BLTP1: variants seen among roughly 807,000 people sequenced by gnomAD.
BLTP1 encodes the protein fragile site-associated protein.
At chr4:122,203,968 T>C in the BLTP1 span, 3 of 312,850 alleles carry the variant, frequency 9.6e-6, no homozygotes, top group Non-Finnish European at 1.4e-5. Flanking sequence ...TTTTGTTTAT[T>C]TCACTAGCAA....
At chr4:122,230,412 T>C in the BLTP1 span, among the ~76,000 whole-genome samples, 1 of 152,174 alleles carries the variant, frequency 6.6e-6, no homozygotes, top group African/African-American at 2.4e-5. Flanking sequence ...GATGGTGTAG[T>C]TGTTGGAAAT....
At chr4:122,263,345 C>T in the BLTP1 span, 3 of 1,432,954 alleles carry the variant, frequency 2.1e-6, no homozygotes, top group Non-Finnish European at 2.7e-6. Flanking sequence ...TGCAAACATA[C>T]ATTTTAACTT....
the BLTP1 span, among the ~76,000 whole-genome samples, chr4:122,211,438 T>C: frequency 6.6e-6 from 1 of 152,222 alleles, no homozygotes; most frequent in South Asian, 2.1e-4. Flanking sequence ...GTAAGTAATG[T>C]AGCAATAGAA....
At chr4:122,344,540 A>C in the BLTP1 span, 2 of 1,608,248 alleles carry the variant, frequency 1.2e-6, no homozygotes, top group Non-Finnish European at 1.7e-6. Context: ...CAAAATGGAT[A>C]CTACGTTAAT....
the BLTP1 span, chr4:122,190,367 A>G: frequency 1.6e-5 from 14 of 902,312 alleles, no homozygotes; most frequent in Non-Finnish European, 1.7e-5. Context: ...AAGTGCTGGG[A>G]TTGTAGTCAT....
At chr4:122,191,466 A>G in the BLTP1 span, among the ~76,000 whole-genome samples, 9 of 152,290 alleles carry the variant, frequency 5.9e-5, no homozygotes, top group African/African-American at 2.2e-4. Context: ...TAAATGTTTA[A>G]TAATGGAATT....
the BLTP1 span, chr4:122,304,866 G>A: frequency 6.2e-7 from 1 of 1,613,940 alleles, no homozygotes; most frequent in Non-Finnish European, 8.5e-7. Context: ...TGATTGAACT[G>A]GAACTTTCTA....
At chr4:122,254,737 G>A in the BLTP1 span, 2 of 1,415,042 alleles carry the variant, frequency 1.4e-6, no homozygotes, top group Middle Eastern at 1.9e-4. Context: ...AGTACAGTAG[G>A]TATGGGAGAT....
At chr4:122,189,180 G>A in the BLTP1 span, 1 of 802,430 alleles carries the variant, frequency 1.2e-6, no homozygotes, top group Non-Finnish European at 1.5e-6. Context: ...ACTTAAGTGT[G>A]GAGATTACAT....
At chr4:122,293,412 G>A in the BLTP1 span, among the ~76,000 whole-genome samples, 1 of 152,158 alleles carries the variant, frequency 6.6e-6, no homozygotes, top group Admixed American at 6.5e-5. Context: ...CCACCCAGGA[G>A]CAGCAAAAAG....
the BLTP1 span, chr4:122,299,764 A>G: frequency 1.0e-6 from 1 of 979,650 alleles, no homozygotes; most frequent in Non-Finnish European, 1.2e-6. Flanking sequence ...ATGTATGTAT[A>G]TGGCTGTAGG....
the BLTP1 span, chr4:122,262,634 C>A: frequency 1.9e-6 from 2 of 1,077,426 alleles, no homozygotes; most frequent in Non-Finnish European, 2.6e-6. Flanking sequence ...TCCTAGTATA[C>A]ATGATCAGTT....
chr4:122,243,111 T>TGA, the BLTP1 span: 1 of 1,572,874 alleles, frequency 6.4e-7, no homozygotes, highest in East Asian at 2.2e-5. Flanking sequence ...TCCTTGATTA[T>TGA]GAGATGGGTA....
the BLTP1 span, chr4:122,305,591 G>T: frequency 1.0e-6 from 1 of 980,356 alleles, no homozygotes; most frequent in Non-Finnish European, 1.2e-6. Context: ...TCTCTTAGAG[G>T]TTCTAATTAT....
At chr4:122,315,365 G>A in the BLTP1 span, 9 of 1,482,436 alleles carry the variant, frequency 6.1e-6, no homozygotes, top group Non-Finnish European at 8.3e-6. Context: ...AGCAGTGAAA[G>A]ACATTAGTTA....
the BLTP1 span, chr4:122,175,004 A>T: frequency 2.2e-6 from 2 of 927,240 alleles, no homozygotes; most frequent in African/African-American, 3.6e-5. Flanking sequence ...TTAGCTCCTT[A>T]TTAGAGATAA....
At chr4:122,349,124 C>CTA in the BLTP1 span, 1 of 1,556,612 alleles carries the variant, frequency 6.4e-7, no homozygotes, top group Non-Finnish European at 8.7e-7. The surrounding 1 kb of genome is among the most constrained non-coding windows in gnomAD (Gnocchi z 4.5). Flanking sequence ...ACACTGGAAG[C>CTA]TATATATATA....
At chr4:122,241,863 T>G in the BLTP1 span, among the ~76,000 whole-genome samples, 1 of 152,176 alleles carries the variant, frequency 6.6e-6, no homozygotes. Flanking sequence ...TAAATAAATC[T>G]TTCTAGTTTG....
chr4:122,278,006 A>G, the BLTP1 span, among the ~76,000 whole-genome samples: 1 of 152,118 alleles, frequency 6.6e-6, no homozygotes, highest in Non-Finnish European at 1.5e-5. Context: ...GATTCTTCCT[A>G]TTAAAGAAAT....
Sources: allele counts gnomAD v4.1 joint callset (sites outside exome capture counted in the v4.1 genomes callset), GRCh38; gene constraint gnomAD v4.1.1; non-coding constraint Gnocchi (gnomAD v3.1); transcripts MANE v1.5; gene names NCBI Gene and HGNC (gene_info 2026-07-23, HGNC 2026-07-21).